The following DLGAP1 variants were observed in gnomAD, a reference collection of about 807,000 sequenced individuals.
DLGAP1 encodes disks large-associated protein 1.
Under a neutral mutation model 90.8 loss-of-function variants are expected in DLGAP1, and 11 were observed. That is an observed-to-expected ratio of 0.12 (90% CI 0.08 to 0.20). The LOEUF is 0.20. DLGAP1 is among the 10% of genes least tolerant of loss of function. The pLI, the probability that DLGAP1 is intolerant of heterozygous loss-of-function variation, is 1.00. For missense variants in DLGAP1, 1,050 were observed against 1,333.8 expected (o/e 0.79, Z 3.31); for synonymous variants, 558 against 540.7 (o/e 1.03, Z -0.44).
At chr18:4,367,003 G>GAAAA (rs772291318) in intron 1 of DLGAP1, among the ~76,000 whole-genome samples, 12 of 12,604 alleles carry the variant, frequency 9.5e-4, no homozygotes, top group South Asian at 5.5e-3. Flanking sequence ...TCTGTCAATG[G>GAAAA]CAAAAAAAAA....
intron 9 of DLGAP1, among the ~76,000 whole-genome samples, chr18:3,557,075 T>A (rs1599222577): frequency 1.3e-5 from 2 of 152,234 alleles, no homozygotes; most frequent in Admixed American, 6.5e-5. Flanking sequence ...TTTATTGTGT[T>A]TATTTTGGAT....
intron 5 of DLGAP1, among the ~76,000 whole-genome samples, chr18:3,787,206 A>G (rs566231641): frequency 6.6e-6 from 1 of 152,270 alleles, no homozygotes; most frequent in South Asian, 2.1e-4. Context: ...GAGAGGGGCC[A>G]GGCGTGGTGG....
At chr18:3,581,069 A>G (rs1181501287) in intron 8 of DLGAP1, among the ~76,000 whole-genome samples, 1 of 152,196 alleles carries the variant, frequency 6.6e-6, no homozygotes, top group Admixed American at 6.5e-5. Context: ...AATGCTGTCA[A>G]CTAGGCTTGA....
At chr18:3,550,240 A>G (rs982347575) in intron 9 of DLGAP1, among the ~76,000 whole-genome samples, 35 of 150,688 alleles carry the variant, frequency 2.3e-4, no homozygotes, top group African/African-American at 8.5e-4. Flanking sequence ...TTGTATTTTT[A>G]TTTGAGACAG....
intron 3 of DLGAP1, among the ~76,000 whole-genome samples, chr18:3,916,929 T>C (rs2072157933): frequency 6.6e-6 from 1 of 152,256 alleles, no homozygotes; most frequent in Non-Finnish European, 1.5e-5. Context: ...AGGATTTTTT[T>C]GACTTTACGA....
intron 1 of DLGAP1, among the ~76,000 whole-genome samples, chr18:4,259,739 T>C (rs2078967543): frequency 6.6e-6 from 1 of 152,198 alleles, no homozygotes; most frequent in Non-Finnish European, 1.5e-5. Flanking sequence ...ATTTAAATTA[T>C]AGAAATAATA....
chr18:3,952,273 A>G (rs2148966972), intron 3 of DLGAP1, among the ~76,000 whole-genome samples: 1 of 152,280 alleles, frequency 6.6e-6, no homozygotes, highest in African/African-American at 2.4e-5. Context: ...GCCAGATGGG[A>G]AAATATCAAG....
At chr18:4,260,560 A>G (rs929558247) in intron 1 of DLGAP1, among the ~76,000 whole-genome samples, 2 of 152,214 alleles carry the variant, frequency 1.3e-5, no homozygotes, top group African/African-American at 4.8e-5. Flanking sequence ...TTAATTTATT[A>G]TAACGAAAGA....
At chr18:4,280,655 C>T (rs1399128361) in intron 1 of DLGAP1, 1 of 152,180 alleles carries the variant, frequency 6.6e-6, no homozygotes, top group Non-Finnish European at 1.5e-5. Context: ...TGCAATTAGA[C>T]TTTTCTACAG....
intron 1 of DLGAP1, among the ~76,000 whole-genome samples, chr18:4,372,890 T>C (rs1273680151): frequency 6.6e-6 from 1 of 150,858 alleles, no homozygotes; most frequent in Non-Finnish European, 1.5e-5. Flanking sequence ...ATCAAGCCAC[T>C]ATACTCCAGC....
intron 7 of DLGAP1, among the ~76,000 whole-genome samples, chr18:3,691,811 T>C (rs2060907062): frequency 6.6e-6 from 1 of 151,952 alleles, no homozygotes; most frequent in Non-Finnish European, 1.5e-5. Context: ...TACCAGCTAT[T>C]TGGGAGGCTG....
intron 5 of DLGAP1, among the ~76,000 whole-genome samples, chr18:3,804,701 C>T (rs1292051061): frequency 6.6e-6 from 1 of 152,216 alleles, no homozygotes; most frequent in Non-Finnish European, 1.5e-5. Flanking sequence ...ATTAAAGTTA[C>T]TCATGGAGGG....
At chr18:3,725,319 G>A (rs2147397882) in intron 7 of DLGAP1, among the ~76,000 whole-genome samples, 1 of 152,272 alleles carries the variant, frequency 6.6e-6, no homozygotes, top group Admixed American at 6.5e-5. Context: ...ATAGGTCCTA[G>A]GAAATATTCA....
chr18:3,983,887 T>G (rs2073788481), intron 3 of DLGAP1: 1 of 152,134 alleles, frequency 6.6e-6, no homozygotes, highest in Non-Finnish European at 1.5e-5. Flanking sequence ...CTATAATGAC[T>G]GAGTTACCAC....
chr18:4,375,305 G>A (rs191933306), intron 1 of DLGAP1, among the ~76,000 whole-genome samples: 9 of 152,214 alleles, frequency 5.9e-5, no homozygotes, highest in East Asian at 3.9e-4. Context: ...ATTTGGATTC[G>A]TTGAATTAAA....
At chr18:3,833,150 CTT>C (rs2068134578) in intron 4 of DLGAP1, among the ~76,000 whole-genome samples, 1 of 618 alleles carries the variant, frequency 1.6e-3, no homozygotes, top group African/African-American at 5.3e-3. Flanking sequence ...TCCTTCCTTC[CTT>C]CCTTCCTTCC....
At chr18:4,230,683 A>G (rs910105068) in intron 1 of DLGAP1, among the ~76,000 whole-genome samples, 7 of 150,014 alleles carry the variant, frequency 4.7e-5, no homozygotes, top group Admixed American at 3.4e-4. Context: ...ACATAAATAG[A>G]AAGAATGACT....
chr18:4,222,869 G>C (rs1294776088), intron 1 of DLGAP1, among the ~76,000 whole-genome samples: 2 of 152,106 alleles, frequency 1.3e-5, no homozygotes, highest in Non-Finnish European at 1.5e-5. Context: ...TAATTTGGGG[G>C]AGTTAAAATG....
intron 4 of DLGAP1, among the ~76,000 whole-genome samples, chr18:3,866,481 G>T (rs1303489114): frequency 6.6e-6 from 1 of 152,180 alleles, no homozygotes; most frequent in Non-Finnish European, 1.5e-5. Context: ...GTGGGGTGGG[G>T]TGGCTTGGGG....
Sources: gnomAD v4.1 joint callset for allele counts (sites outside exome capture counted in the v4.1 genomes callset) on GRCh38, gnomAD v4.1.1 for gene constraint, MANE v1.5 for transcripts, NCBI Gene and HGNC (gene_info 2026-07-23, HGNC 2026-07-21) for gene names.